The following KCNJ3 variants were observed in gnomAD, a reference collection of about 807,000 sequenced individuals.
KCNJ3 encodes G protein-activated inward rectifier potassium channel 1.
A neutral mutation model predicts 39.2 loss-of-function variants in KCNJ3; 4 were observed. The ratio of observed to expected loss-of-function variants is 0.10; its 90% CI spans 0.05 to 0.23. The LOEUF is 0.23. Among genes scored for constraint, KCNJ3 ranks in the 10% least tolerant of loss-of-function variants. The pLI is 1.00. For synonymous variants in KCNJ3, 230 were observed against 237.4 expected (o/e 0.97, Z 0.29); for missense variants, 276 against 634.9 (o/e 0.43, Z 6.08).
At position 154,855,221 on chromosome 2, in the gene KCNJ3, C is replaced by T. The variant is rs747595845; in HGVS notation, c.1414C>T (p.Pro472Ser). ...PMSQSVADLPPKLQKMAGGAA... is the reference protein window; with the variant it reads ...PMSQSVADLPSKLQKMAGGAA... ...GAGCCAGTCTGTGGCTGATTTGCCA[C>T]CAAAGCTTCAAAAGATGGCTGGAGG... is the stretch of plus-strand genomic sequence containing the variant. The change falls in exon 3 of 3, where the codon CCA becomes TCA. Residue 472 changes from proline to serine, a missense_variant. Physicochemically the swap from Pro to Ser is moderately conservative, Grantham distance 74 (BLOSUM62 -1). This residue lies in a region of KCNJ3 where 126 missense variants were observed against 179.8 expected (regional missense o/e 0.70). Coordinates refer to ENST00000295101, the MANE Select transcript of KCNJ3 (RefSeq NM_002239.4). 6.2e-7 allele frequency: 1 copy of T among 1,613,740 alleles called. No homozygotes were observed.
intron 2 of KCNJ3, among the ~76,000 whole-genome samples, chr2:154,831,648 C>T (rs896028574): frequency 2.0e-5 from 3 of 152,090 alleles, no homozygotes; most frequent in African/African-American, 7.2e-5. Context: ...GTGTATTCTG[C>T]TCTCAGTGTT....
At chr2:154,715,171 C>A (rs1685160569) in intron 2 of KCNJ3, among the ~76,000 whole-genome samples, 1 of 152,212 alleles carries the variant, frequency 6.6e-6, no homozygotes, top group Non-Finnish European at 1.5e-5. Context: ...CATCACGGTA[C>A]TTCTAAATCA....
chr2:154,729,335 T>A (rs1685414416), intron 2 of KCNJ3, among the ~76,000 whole-genome samples: 1 of 152,158 alleles, frequency 6.6e-6, no homozygotes, highest in African/African-American at 2.4e-5. Context: ...CATAGAAGAA[T>A]TTAACTAATC....
intron 2 of KCNJ3, among the ~76,000 whole-genome samples, chr2:154,778,932 T>C (rs1686385762): frequency 6.6e-6 from 1 of 152,106 alleles, no homozygotes; most frequent in Non-Finnish European, 1.5e-5. Flanking sequence ...GTTGATGCAA[T>C]GCCCTAAATT....
At chr2:154,827,586 C>T (rs1346042503) in intron 2 of KCNJ3, among the ~76,000 whole-genome samples, 1 of 152,092 alleles carries the variant, frequency 6.6e-6, no homozygotes, top group Non-Finnish European at 1.5e-5. Context: ...CAATTTACAA[C>T]AGACTCTAAA....
At chr2:154,797,651 T>C (rs1686745401) in intron 2 of KCNJ3, among the ~76,000 whole-genome samples, 2 of 152,070 alleles carry the variant, frequency 1.3e-5, no homozygotes, top group African/African-American at 4.8e-5. Context: ...TATATAAATA[T>C]ATTCATATAA....
intron 2 of KCNJ3, among the ~76,000 whole-genome samples, chr2:154,779,939 G>A (rs1223683882): frequency 6.6e-6 from 1 of 152,026 alleles, no homozygotes; most frequent in Non-Finnish European, 1.5e-5. Flanking sequence ...TTGTACTATT[G>A]TCTTGTTAAA....
intron 2 of KCNJ3, among the ~76,000 whole-genome samples, chr2:154,799,055 A>T (rs1440416667): frequency 6.6e-6 from 1 of 151,990 alleles, no homozygotes; most frequent in South Asian, 2.1e-4. Flanking sequence ...TAGATGGTAG[A>T]TCTGTGAGAA....
At chr2:154,760,053 C>T (rs1256012475) in intron 2 of KCNJ3, among the ~76,000 whole-genome samples, 1 of 152,146 alleles carries the variant, frequency 6.6e-6, no homozygotes, top group Non-Finnish European at 1.5e-5. Flanking sequence ...TACTGTAACA[C>T]ACTGCCAAAT....
intron 2 of KCNJ3, among the ~76,000 whole-genome samples, chr2:154,848,802 A>G (rs1687706293): frequency 6.6e-6 from 1 of 152,160 alleles, no homozygotes; most frequent in Admixed American, 6.6e-5. Context: ...GTCGTCTGAC[A>G]CCACAGTACT....
chr2:154,744,156 A>G (rs1036889827), intron 2 of KCNJ3, among the ~76,000 whole-genome samples: 7 of 151,708 alleles, frequency 4.6e-5, no homozygotes, highest in African/African-American at 1.7e-4. Context: ...GATTTTGAGT[A>G]TTGAACCAGC....
intron 2 of KCNJ3, among the ~76,000 whole-genome samples, chr2:154,835,943 T>G (rs2105124377): frequency 6.6e-6 from 1 of 152,254 alleles, no homozygotes; most frequent in African/African-American, 2.4e-5. Flanking sequence ...GATTATCTTT[T>G]AGTTTAAACT....
At position 154,858,294 on chromosome 2, in the gene KCNJ3, T is replaced by C. The variant is rs1484059430; in HGVS notation, c.*2981T>C. 31 of 152,216 alleles carry C rather than the reference T, an allele frequency of 2.0e-4. No individual in the cohort carries two copies. Among genetic ancestry groups the C allele is most frequent in the Admixed American group, 2.0e-3 (31 of 15,276 alleles). The allele number at this position is 152,216 out of a possible 1,614,324, so 9.4% of individuals were successfully genotyped here. A position where few individuals can be genotyped will look rare whatever the true frequency, so the allele number is the denominator to read the frequency against. The stretch of plus-strand genomic sequence containing the variant: ...TGGATGATATATGGTGAAGTTTTTG[T>C]TGAAACTAAATTATGAAGTCTGATA... On this transcript the variant is annotated 3_prime_UTR_variant, in exon 3 of 3. Transcript: ENST00000295101.
intron 2 of KCNJ3, among the ~76,000 whole-genome samples, chr2:154,719,739 C>G (rs1194800741): frequency 6.6e-6 from 1 of 152,112 alleles, no homozygotes; most frequent in African/African-American, 2.4e-5. Context: ...GGCTGTTAGT[C>G]ATTTAAACTA....
chr2:154,851,504 T>A (rs1339145166), intron 2 of KCNJ3, among the ~76,000 whole-genome samples: 1 of 152,208 alleles, frequency 6.6e-6, no homozygotes, highest in Non-Finnish European at 1.5e-5. Flanking sequence ...TAAGAGAAGA[T>A]ATGTTGTTAT....
intron 2 of KCNJ3, among the ~76,000 whole-genome samples, chr2:154,792,870 C>T (rs867359538): frequency 2.0e-5 from 3 of 152,016 alleles, no homozygotes; most frequent in South Asian, 2.1e-4. Context: ...AAAGTTGTCT[C>T]GTGATTATAA....
chr2:154,760,726 C>CTTTTTCTTCTT (rs1558866943), intron 2 of KCNJ3, among the ~76,000 whole-genome samples: 2 of 116,928 alleles, frequency 1.7e-5, no homozygotes, highest in African/African-American at 3.3e-5. Flanking sequence ...CTATTTTTTT[C>CTTTTTCTTCTT]TTTTTTTTCT....
At chr2:154,721,047 A>C (rs1308676071) in intron 2 of KCNJ3, among the ~76,000 whole-genome samples, 1 of 24,430 alleles carries the variant, frequency 4.1e-5, no homozygotes, top group African/African-American at 9.4e-5. Context: ...CATTTTTCCC[A>C]GTGGCCTTTT....
intron 2 of KCNJ3, among the ~76,000 whole-genome samples, chr2:154,832,488 C>G (rs1195380251): frequency 6.6e-6 from 1 of 152,164 alleles, no homozygotes; most frequent in Non-Finnish European, 1.5e-5. Context: ...TAGTCCTAAA[C>G]TTGGATCTTA....
Sources: allele counts gnomAD v4.1 joint callset (sites outside exome capture counted in the v4.1 genomes callset), GRCh38; gene constraint gnomAD v4.1.1; regional missense constraint gnomAD v4.1.1; transcripts MANE v1.5; gene names NCBI Gene and HGNC (gene_info 2026-07-23, HGNC 2026-07-21).